IQUB: variants seen among roughly 807,000 people sequenced by gnomAD.
The protein encoded by IQUB is IQ motif and ubiquitin-like domain-containing protein.
IQUB carries 86 observed loss-of-function variants against 86.4 expected under a neutral mutation model. The ratio of observed to expected loss-of-function variants is 1.00; its 90% confidence interval spans 0.84 to 1.19. The LOEUF (loss-of-function observed/expected upper bound fraction) is 1.19. Among genes scored for constraint, IQUB ranks in the 50% most tolerant of loss-of-function variants. The pLI, the probability that IQUB is intolerant of heterozygous loss-of-function variation, is 0.00. For synonymous variants in IQUB, 289 were observed against 304.5 expected (o/e 0.95, Z 0.53); for missense variants, 946 against 916.9 (o/e 1.03, Z -0.41).
chr7:123,473,216 G>T (rs1794609265), intron 8 of IQUB, among the ~76,000 whole-genome samples: 1 of 152,172 alleles, frequency 6.6e-6, no homozygotes, highest in Non-Finnish European at 1.5e-5. Flanking sequence ...CAGGGGTTTT[G>T]CTCAGCCATA....
At chr7:123,503,145 A>C in intron 4 of IQUB, 29 bp from the exon 5 acceptor site, 1 of 1,609,750 alleles carries the variant, frequency 6.2e-7, no homozygotes, top group Non-Finnish European at 8.5e-7. Context: ...ATTCAATGAA[A>C]GCTCAACCAA....
chr7:123,513,500 T>C (rs1796517521), intron 1 of IQUB, among the ~76,000 whole-genome samples: 1 of 152,196 alleles, frequency 6.6e-6, no homozygotes, highest in Non-Finnish European at 1.5e-5. Context: ...ACAACAAAGA[T>C]GCATTGGAGA....
chr7:123,490,212 C>G (rs1407084608), intron 7 of IQUB, among the ~76,000 whole-genome samples: 1 of 151,768 alleles, frequency 6.6e-6, no homozygotes, highest in Non-Finnish European at 1.5e-5. Flanking sequence ...AAAAGATATA[C>G]TAAACTAACA....
chr7:123,532,061 G>A (rs1584671481), intron 1 of IQUB, among the ~76,000 whole-genome samples: 1 of 152,146 alleles, frequency 6.6e-6, no homozygotes, highest in South Asian at 2.1e-4. Context: ...GCTTCCGATG[G>A]CGCAGTTAAT....
At chr7:123,479,031 A>C (rs2177775) in intron 8 of IQUB, among the ~76,000 whole-genome samples, 2,752 of 152,244 alleles carry the variant, frequency 0.018, 88 homozygotes, top group African/African-American at 0.064. Context: ...GAAGAAGATG[A>C]GAGGAGGGCA....
At chr7:123,481,368 G>A (rs958000975) in intron 7 of IQUB, among the ~76,000 whole-genome samples, 6 of 151,920 alleles carry the variant, frequency 3.9e-5, no homozygotes, top group African/African-American at 1.2e-4. Context: ...CTTAAGATAT[G>A]GCATACCAAA....
intron 1 of IQUB, among the ~76,000 whole-genome samples, chr7:123,526,580 G>A (rs1412352624): frequency 6.6e-6 from 1 of 150,874 alleles, no homozygotes; most frequent in African/African-American, 2.4e-5. Flanking sequence ...TTTATTTTGA[G>A]CCTATGTGTG....
intron 1 of IQUB, among the ~76,000 whole-genome samples, chr7:123,523,206 T>C (rs1250801917): frequency 6.7e-6 from 1 of 149,066 alleles, no homozygotes; most frequent in African/African-American, 2.5e-5. Context: ...TATAGTCCTT[T>C]GGAAATATAC....
chr7:123,461,138 T>C (rs1454603311), intron 11 of IQUB, among the ~76,000 whole-genome samples: 1 of 151,744 alleles, frequency 6.6e-6, no homozygotes, highest in African/African-American at 2.4e-5. Context: ...TCAACAAATA[T>C]TGAGGGCCTT....
intron 11 of IQUB, among the ~76,000 whole-genome samples, chr7:123,459,143 G>A (rs1793860742): frequency 6.6e-6 from 1 of 152,006 alleles, no homozygotes; most frequent in Non-Finnish European, 1.5e-5. Context: ...AAAAGTAATA[G>A]ACCAAAACCC....
At chr7:123,467,011 C>T (rs1794294904) in intron 9 of IQUB, among the ~76,000 whole-genome samples, 1 of 152,054 alleles carries the variant, frequency 6.6e-6, no homozygotes, top group Admixed American at 6.6e-5. Context: ...AACTTGAGAA[C>T]TCACAAGCAC....
intron 11 of IQUB, 80 bp downstream of exon 11, chr7:123,461,277 C>A: frequency 7.3e-7 from 1 of 1,368,494 alleles, no homozygotes. Context: ...ATCACACACA[C>A]ACACACAAAC....
At chr7:123,505,411 GGCTCTGCTCCT>G (rs1796131473) in intron 3 of IQUB, among the ~76,000 whole-genome samples, 1 of 152,166 alleles carries the variant, frequency 6.6e-6, no homozygotes, top group South Asian at 2.1e-4. Flanking sequence ...TCTCCATGAG[GGCTCTGCTCCT>G]GCAGCCAACT....
intron 8 of IQUB, among the ~76,000 whole-genome samples, chr7:123,478,867 A>C (rs574093447): frequency 1.3e-5 from 2 of 152,174 alleles, no homozygotes; most frequent in South Asian, 2.1e-4. Flanking sequence ...GTCTCCTTGA[A>C]GTGTAATCTT....
At chr7:123,509,825 T>C (rs1584628382) in intron 3 of IQUB, 76 bp downstream of exon 3, 2 of 1,292,406 alleles carry the variant, frequency 1.5e-6, no homozygotes, top group East Asian at 4.7e-5. Flanking sequence ...ATTTAGTTTT[T>C]AAAATCAAAG....
chr7:123,502,907 A>G, intron 5 of IQUB, 37 bp downstream of exon 5: 1 of 1,542,530 alleles, frequency 6.5e-7, no homozygotes, highest in Non-Finnish European at 8.8e-7. Context: ...TTGAGTCTAT[A>G]CCTTCAAAAA....
At chr7:123,482,155 A>T (rs1416662858) in intron 7 of IQUB, among the ~76,000 whole-genome samples, 1 of 152,100 alleles carries the variant, frequency 6.6e-6, no homozygotes, top group Non-Finnish European at 1.5e-5. Flanking sequence ...GAATGTTTAT[A>T]CAGGAAATCA....
intron 11 of IQUB, among the ~76,000 whole-genome samples, chr7:123,461,033 A>C (rs1793953994): frequency 6.7e-6 from 1 of 148,470 alleles, no homozygotes; most frequent in Non-Finnish European, 1.5e-5. Flanking sequence ...ATTTACCATT[A>C]TGGTCACATT....
intron 11 of IQUB, 41 bp from the exon 12 acceptor site, chr7:123,457,607 T>C: frequency 7.0e-7 from 1 of 1,437,180 alleles, no homozygotes; most frequent in South Asian, 1.2e-5. Flanking sequence ...GTAGTTTAAA[T>C]TTGTTTAAGA....
Sources: gnomAD v4.1 joint callset for allele counts (sites outside exome capture counted in the v4.1 genomes callset) on GRCh38, gnomAD v4.1.1 for gene constraint, MANE v1.5 for transcripts, NCBI Gene and HGNC (gene_info 2026-07-23, HGNC 2026-07-21) for gene names.